FHIT: variants seen among roughly 807,000 people sequenced by gnomAD.
FHIT encodes the protein bis(5'-adenosyl)-triphosphatase.
A neutral mutation model predicts 17.9 loss-of-function variants in FHIT; 19 were observed. The observed-to-expected ratio is 1.06, with a 90% CI of 0.74 to 1.56. FHIT has a LOEUF of 1.56. Among genes scored for constraint, FHIT ranks in the 40% most tolerant of loss-of-function variants. FHIT has a pLI of 0.00. For missense variants in FHIT, 248 were observed against 189.2 expected, an observed-to-expected ratio of 1.31 and a Z score of -1.82; for synonymous variants, 81 against 69.7, an observed-to-expected ratio of 1.16 and a Z score of -0.81.
At chr3:60,036,325 TG>T (rs1419531764) in intron 5 of FHIT, among the ~76,000 whole-genome samples, 6 of 152,210 alleles carry the variant, frequency 3.9e-5, no homozygotes, top group Non-Finnish European at 8.8e-5. Context: ...ACCGTTCATA[TG>T]GTTAATATAC....
At chr3:60,862,665 T>G in intron 3 of FHIT, among the ~76,000 whole-genome samples, 1 of 151,670 alleles carries the variant, frequency 6.6e-6, no homozygotes, top group East Asian at 1.9e-4. Context: ...GCCTGGCCAA[T>G]ATGGTGAAAC....
intron 5 of FHIT, among the ~76,000 whole-genome samples, chr3:60,036,517 C>T (rs1376702707): frequency 5.3e-5 from 8 of 152,030 alleles, no homozygotes; most frequent in Non-Finnish European, 8.8e-5. Flanking sequence ...GCTAGTAATA[C>T]GTGGTAAGCA....
At chr3:60,171,834 T>G (rs371911023) in intron 5 of FHIT, among the ~76,000 whole-genome samples, 2 of 151,546 alleles carry the variant, frequency 1.3e-5, no homozygotes, top group Middle Eastern at 3.4e-3. Flanking sequence ...GCCTCCCAAA[T>G]AGTTAGGATT....
intron 5 of FHIT, among the ~76,000 whole-genome samples, chr3:60,381,415 T>C (rs549506855): frequency 2.6e-5 from 4 of 151,564 alleles, no homozygotes; most frequent in South Asian, 2.1e-4. Context: ...GAAGTGGAGA[T>C]TGCAATGAGC....
At chr3:60,651,550 T>C (rs1379472408) in intron 4 of FHIT, among the ~76,000 whole-genome samples, 19 of 152,046 alleles carry the variant, frequency 1.2e-4, no homozygotes, top group Non-Finnish European at 1.9e-4. Context: ...TCTTTTTTTT[T>C]TTCAATAAAT....
rs138686449 is a variant in FHIT at position 61,210,777 on chromosome 3, G to A, written c.-212-10112C>T. Among the ~76,000 whole-genome samples, 780 of 151,992 alleles carry A rather than the reference G, an allele frequency of 5.1e-3. 8 individuals are homozygous for A. The highest frequency in any genetic ancestry group is 0.018 in the African/African-American group (748 of 41,512). ...CCCGGATAAGGCAATGCCTCGCCCT[G>A]CTTCGGCTCACACACAGTGCGCTGC... is the stretch of plus-strand genomic sequence containing the variant. On this transcript the variant is annotated intron_variant, in intron 1 of 9. Coordinates refer to ENST00000492590, the MANE Select transcript of FHIT (RefSeq NM_002012.4).
intron 2 of FHIT, among the ~76,000 whole-genome samples, chr3:61,082,131 C>A (rs1469619545): frequency 6.6e-6 from 1 of 151,738 alleles, no homozygotes; most frequent in Non-Finnish European, 1.5e-5. Context: ...GAGAAAAGTG[C>A]ATAAATCAGA....
At chr3:60,846,974 C>T (rs557177726) in intron 3 of FHIT, among the ~76,000 whole-genome samples, 10 of 152,190 alleles carry the variant, frequency 6.6e-5, no homozygotes, top group Admixed American at 4.6e-4. Flanking sequence ...CAGGTATGCA[C>T]CACAAAGCCC....
chr3:60,227,525 C>A lies in FHIT; in HGVS notation c.104-213373G>T, dbSNP rs1384968069. On this transcript the variant is annotated intron_variant, in intron 5 of 9. Transcript: ENST00000492590. The stretch of plus-strand genomic sequence containing the variant: ...GGGCTGTCTTCAAATTTTGTGACAC[C>A]TGTATTTTTTTCACCTACTTCTGTT... Among the ~76,000 whole-genome samples the A allele has an allele frequency of 2.6e-5, 4 of 152,278 alleles. No homozygotes were observed. In the East Asian group the frequency reaches 7.7e-4, roughly 29 times the overall value.
At chr3:60,900,446 G>T (rs1415370577) in intron 3 of FHIT, among the ~76,000 whole-genome samples, 1 of 147,354 alleles carries the variant, frequency 6.8e-6, no homozygotes. Context: ...CAAAAGAAAA[G>T]AAAAAAAAAA....
intron 4 of FHIT, among the ~76,000 whole-genome samples, chr3:60,707,308 G>A (rs1289902533): frequency 2.6e-5 from 4 of 152,070 alleles, no homozygotes; most frequent in Non-Finnish European, 5.9e-5. Flanking sequence ...CTTTATAATG[G>A]CAAAGCCACT....
At chr3:60,855,918 A>G (rs2106933879) in intron 3 of FHIT, among the ~76,000 whole-genome samples, 1 of 152,256 alleles carries the variant, frequency 6.6e-6, no homozygotes, top group East Asian at 1.9e-4. Flanking sequence ...AAAAGCAAAG[A>G]ACCTTGTAAA....
At chr3:60,869,483 C>A (rs1553754549) in intron 3 of FHIT, among the ~76,000 whole-genome samples, 1 of 152,112 alleles carries the variant, frequency 6.6e-6, no homozygotes, top group Admixed American at 6.6e-5. Context: ...GTCCACAGAT[C>A]TCAGGTTTAC....
chr3:60,811,578 T>C (rs1701572667), intron 4 of FHIT, among the ~76,000 whole-genome samples: 1 of 152,164 alleles, frequency 6.6e-6, no homozygotes, highest in African/African-American at 2.4e-5. Context: ...GTTTATAAGC[T>C]ACCCTGAAGG....
chr3:60,869,483 C>G (rs1553754549), intron 3 of FHIT, among the ~76,000 whole-genome samples: 1 of 152,112 alleles, frequency 6.6e-6, no homozygotes, highest in East Asian at 1.9e-4. Flanking sequence ...GTCCACAGAT[C>G]TCAGGTTTAC....
At chr3:60,948,419 T>C (rs1708730385) in intron 3 of FHIT, among the ~76,000 whole-genome samples, 1 of 152,220 alleles carries the variant, frequency 6.6e-6, no homozygotes, top group Admixed American at 6.5e-5. Flanking sequence ...ACTAAGAAGT[T>C]ATTCTTGCTT....
chr3:60,454,711 T>A (rs1265246598), intron 5 of FHIT, among the ~76,000 whole-genome samples: 1 of 152,084 alleles, frequency 6.6e-6, no homozygotes, highest in African/African-American at 2.4e-5. Context: ...GTCCTAAATA[T>A]ATCTTCTTAA....
chr3:60,046,519 A>C (rs1701660664), intron 5 of FHIT, among the ~76,000 whole-genome samples: 1 of 152,220 alleles, frequency 6.6e-6, no homozygotes, highest in Non-Finnish European at 1.5e-5. Context: ...AGGCAATCCC[A>C]TTAGTTCTCC....
At chr3:61,031,050 T>A (rs891841520) in intron 3 of FHIT, among the ~76,000 whole-genome samples, 1 of 152,200 alleles carries the variant, frequency 6.6e-6, no homozygotes, top group Non-Finnish European at 1.5e-5. Context: ...TTGCAGTGTT[T>A]TGAGCAGACA....
Sources: gnomAD v4.1 joint callset for allele counts (sites outside exome capture counted in the v4.1 genomes callset) on GRCh38, gnomAD v4.1.1 for gene constraint, MANE v1.5 for transcripts, NCBI Gene and HGNC (gene_info 2026-07-23, HGNC 2026-07-21) for gene names.